Variants in KPNA1 observed in about 807,000 individuals in gnomAD.
The protein encoded by KPNA1 is importin subunit alpha-5.
A neutral mutation model predicts 70.5 loss-of-function variants in KPNA1; 10 were observed. That is an observed-to-expected ratio of 0.14 (90% CI 0.09 to 0.24). The LOEUF (loss-of-function observed/expected upper bound fraction) is 0.24. KPNA1 is among the 10% of genes least tolerant of loss of function. The pLI is 1.00. For missense variants in KPNA1, 397 were observed against 637.9 expected, an observed-to-expected ratio of 0.62 and a Z score of 4.07; for synonymous variants, 192 against 221.9, an observed-to-expected ratio of 0.87 and a Z score of 1.20.
chr3:122,487,411 A>G (rs1415153200), intron 2 of KPNA1, among the ~76,000 whole-genome samples: 2 of 152,256 alleles, frequency 1.3e-5, no homozygotes, highest in African/African-American at 2.4e-5. Context: ...ACTTACGTGT[A>G]TATGTCCAAA....
At chr3:122,453,561 A>G (rs981460712) in intron 6 of KPNA1, among the ~76,000 whole-genome samples, 3 of 151,936 alleles carry the variant, frequency 2.0e-5, no homozygotes, top group Non-Finnish European at 4.4e-5. Context: ...TTTGAGACAA[A>G]GTCTTGCTCT....
chr3:122,456,057 A>G (rs1226610449), intron 5 of KPNA1, among the ~76,000 whole-genome samples: 2 of 152,220 alleles, frequency 1.3e-5, no homozygotes, highest in Non-Finnish European at 2.9e-5. Context: ...TACATTACGA[A>G]GCCCAGTCAT....
At chr3:122,489,207 G>A (rs1231957777) in intron 2 of KPNA1, among the ~76,000 whole-genome samples, 1 of 151,638 alleles carries the variant, frequency 6.6e-6, no homozygotes, top group African/African-American at 2.4e-5. Flanking sequence ...TCCCATTTGG[G>A]AATTTCTCAT....
intron 1 of KPNA1, 140 bp from the exon 2 acceptor site, chr3:122,496,710 CTG>C (rs1372857573): frequency 1.4e-6 from 1 of 692,044 alleles, no homozygotes; most frequent in African/African-American, 1.8e-5. Flanking sequence ...TCCCCCACTC[CTG>C]TCTTTTTTGA....
chr3:122,446,558 C>A (rs1431617317), intron 9 of KPNA1, among the ~76,000 whole-genome samples: 1 of 152,148 alleles, frequency 6.6e-6, no homozygotes, highest in East Asian at 1.9e-4. Context: ...TAAATGCCCA[C>A]AAGAGAAAGC....
chr3:122,506,471 A>T (rs2076891725), intron 1 of KPNA1, among the ~76,000 whole-genome samples: 1 of 152,224 alleles, frequency 6.6e-6, no homozygotes, highest in African/African-American at 2.4e-5. Flanking sequence ...TTTAATAGAA[A>T]TTAGAAAAGA....
At position 122,477,194 on chromosome 3, in the gene KPNA1, T is replaced by A. The variant is rs145507705; in HGVS notation, c.130-9765A>T. Among the ~76,000 whole-genome samples the A allele has an allele frequency of 5.5e-3, 841 of 152,252 alleles. 4 individuals are homozygous for A. The highest frequency in any genetic ancestry group is 8.8e-3 in the Non-Finnish European group (599 of 68,024). On this transcript the variant is annotated intron_variant, in intron 2 of 13. Transcript: ENST00000344337. ...GATACAGAAAGACCACATAAGCATC[T>A]CACTTTTATGTGGAATCTAAAAAAG...
intron 6 of KPNA1, among the ~76,000 whole-genome samples, chr3:122,452,989 G>C (rs181060399): frequency 6.6e-6 from 1 of 151,942 alleles, no homozygotes; most frequent in Non-Finnish European, 1.5e-5. Flanking sequence ...CTCTGTTACC[G>C]AGGCTGGAGT....
intron 2 of KPNA1, among the ~76,000 whole-genome samples, chr3:122,475,354 T>C (rs545820507): frequency 2.6e-5 from 4 of 152,174 alleles, no homozygotes; most frequent in South Asian, 2.1e-4. Flanking sequence ...ATGAAACAAA[T>C]TGAAATAAAT....
chr3:122,464,931 A>G (rs2076363677), intron 3 of KPNA1, among the ~76,000 whole-genome samples: 2 of 152,234 alleles, frequency 1.3e-5, no homozygotes, highest in Non-Finnish European at 1.5e-5. Flanking sequence ...CAAGAATCAG[A>G]AAAGTAACTA....
intron 5 of KPNA1, among the ~76,000 whole-genome samples, chr3:122,458,263 C>T (rs926700595): frequency 4.6e-5 from 7 of 152,188 alleles, no homozygotes; most frequent in African/African-American, 1.7e-4. Context: ...CAGACCATGC[C>T]ATAAACCAGA....
chr3:122,438,929 A>C (rs1184912914), intron 10 of KPNA1, among the ~76,000 whole-genome samples: 1 of 152,212 alleles, frequency 6.6e-6, no homozygotes, highest in African/African-American at 2.4e-5. Context: ...TTTTAAATGT[A>C]CACCATCCAC....
At chr3:122,461,030 T>C (rs1433906056) in intron 5 of KPNA1, among the ~76,000 whole-genome samples, 194 bp downstream of exon 5, 5 of 152,068 alleles carry the variant, frequency 3.3e-5, no homozygotes, top group African/African-American at 1.2e-4. Flanking sequence ...AAAATTATAA[T>C]AATAATAAAG....
At chr3:122,438,832 CTGTA>C (rs778207517) in intron 10 of KPNA1, among the ~76,000 whole-genome samples, 2 of 152,028 alleles carry the variant, frequency 1.3e-5, no homozygotes, top group Non-Finnish European at 2.9e-5. Flanking sequence ...TGGTAAAAGA[CTGTA>C]TGTATGAGCA....
At chr3:122,495,726 CAAAAAAA>C (rs397876048) in intron 2 of KPNA1, among the ~76,000 whole-genome samples, 1 of 67,948 alleles carries the variant, frequency 1.5e-5, no homozygotes, top group Non-Finnish European at 2.6e-5. Context: ...CTCTCCTTAG[CAAAAAAA>C]AAAAAAAAAA....
At chr3:122,502,284 T>TA (rs1426123586) in intron 1 of KPNA1, among the ~76,000 whole-genome samples, 1 of 152,172 alleles carries the variant, frequency 6.6e-6, no homozygotes, top group African/African-American at 2.4e-5. Context: ...TCAAAACTCT[T>TA]ATGTTGACAC....
chr3:122,442,718 T>A (rs2076080262), intron 9 of KPNA1: 1 of 152,228 alleles, frequency 6.6e-6, no homozygotes, highest in Admixed American at 6.5e-5. Context: ...TCTTTTGATT[T>A]TCCTTAAGGG....
chr3:122,484,329 T>C (rs1316975246), intron 2 of KPNA1, among the ~76,000 whole-genome samples: 1 of 152,210 alleles, frequency 6.6e-6, no homozygotes, highest in Non-Finnish European at 1.5e-5. Context: ...AATGTCTGTA[T>C]ACTAATCCTC....
At chr3:122,471,047 T>C (rs2076436949) in intron 2 of KPNA1, among the ~76,000 whole-genome samples, 1 of 152,144 alleles carries the variant, frequency 6.6e-6, no homozygotes, top group African/African-American at 2.4e-5. Flanking sequence ...TTCAAGGTTG[T>C]TGGGGAATGT....
Sources: allele counts gnomAD v4.1 joint callset (sites outside exome capture counted in the v4.1 genomes callset), GRCh38; gene constraint gnomAD v4.1.1; transcripts MANE v1.5; gene names NCBI Gene and HGNC (gene_info 2026-07-23, HGNC 2026-07-21).